BABAM2: variants seen among roughly 807,000 people sequenced by gnomAD.
BABAM2 encodes the protein BRISC and BRCA1-A complex member 2.
In BABAM2, 31 loss-of-function variants were observed where a neutral mutation model predicts 54.7. The ratio of observed to expected loss-of-function variants is 0.57; its 90% CI spans 0.43 to 0.77. The LOEUF (loss-of-function observed/expected upper bound fraction) is 0.77. Ranked by LOEUF, BABAM2 falls within the 30% of genes least tolerant of loss-of-function variation. The pLI, the probability that BABAM2 is intolerant of heterozygous loss-of-function variation, is 0.00. For synonymous variants in BABAM2, 167 were observed against 162.9 expected (o/e 1.03, Z -0.19); for missense variants, 364 against 455.8 (o/e 0.80, Z 1.83).
At chr2:28,178,173 A>G (rs1038488683) in intron 7 of BABAM2, among the ~76,000 whole-genome samples, 1 of 152,174 alleles carries the variant, frequency 6.6e-6, no homozygotes, top group African/African-American at 2.4e-5. Context: ...GGTATATTCT[A>G]CCCGACAGCT....
chr2:27,981,917 C>T (rs779492031), intron 3 of BABAM2, among the ~76,000 whole-genome samples: 5 of 152,084 alleles, frequency 3.3e-5, no homozygotes, highest in Non-Finnish European at 5.9e-5. Flanking sequence ...TGTTTAACCT[C>T]TTGAGGAACT....
At chr2:28,264,939 G>A (rs1403336965) in intron 10 of BABAM2, among the ~76,000 whole-genome samples, 1 of 152,146 alleles carries the variant, frequency 6.6e-6, no homozygotes, top group African/African-American at 2.4e-5. Context: ...AAGTTTGATT[G>A]TTTTAACAAC....
intron 11 of BABAM2, among the ~76,000 whole-genome samples, chr2:28,320,508 G>T (rs1689941709): frequency 6.6e-6 from 1 of 152,238 alleles, no homozygotes; most frequent in South Asian, 2.1e-4. Context: ...CAGGACGGGG[G>T]CCCAGGGCCT....
intron 10 of BABAM2, among the ~76,000 whole-genome samples, chr2:28,252,017 G>C (rs752010158): frequency 2.0e-4 from 30 of 152,048 alleles, no homozygotes; most frequent in Non-Finnish European, 1.0e-4. Flanking sequence ...GTGAAACCCT[G>C]TCTCTACTAA....
intron 3 of BABAM2, among the ~76,000 whole-genome samples, chr2:27,969,281 G>A (rs1671041238): frequency 6.6e-6 from 1 of 152,116 alleles, no homozygotes; most frequent in Admixed American, 6.6e-5. Flanking sequence ...CCAATCTTGG[G>A]TATGTCTTTA....
chr2:28,058,760 G>A (rs1678633367), intron 6 of BABAM2, among the ~76,000 whole-genome samples: 2 of 152,086 alleles, frequency 1.3e-5, no homozygotes, highest in Admixed American at 1.3e-4. Flanking sequence ...AAAAGCAGCT[G>A]ACAGAATAAT....
chr2:28,096,125 G>A (rs1157020600), intron 6 of BABAM2, among the ~76,000 whole-genome samples: 1 of 152,064 alleles, frequency 6.6e-6, no homozygotes, highest in East Asian at 1.9e-4. Context: ...GTCTGGCCAG[G>A]CTCCTGTTGG....
intron 4 of BABAM2, among the ~76,000 whole-genome samples, chr2:28,020,507 A>T (rs2148552893): frequency 6.6e-6 from 1 of 152,314 alleles, no homozygotes; most frequent in East Asian, 1.9e-4. Context: ...ATTTCTCCCA[A>T]TAAATTTTCC....
intron 4 of BABAM2, among the ~76,000 whole-genome samples, chr2:28,017,053 A>G (rs1227262842): frequency 1.3e-5 from 2 of 152,196 alleles, no homozygotes; most frequent in Non-Finnish European, 2.9e-5. Context: ...TCTTTCTCCC[A>G]TCCTCAAATT....
chr2:27,960,251 A>G (rs2148426854), intron 3 of BABAM2, among the ~76,000 whole-genome samples: 1 of 152,264 alleles, frequency 6.6e-6, no homozygotes. Flanking sequence ...TGATTTTCAC[A>G]AAGTTTGTGA....
chr2:28,054,067 C>T (rs974922345), intron 6 of BABAM2, among the ~76,000 whole-genome samples: 4 of 151,702 alleles, frequency 2.6e-5, no homozygotes, highest in Non-Finnish European at 2.9e-5. Context: ...AAAGATAAAC[C>T]GTTTTTTTAA....
intron 6 of BABAM2, among the ~76,000 whole-genome samples, chr2:28,115,247 T>C (rs1668511087): frequency 6.6e-6 from 1 of 151,150 alleles, no homozygotes; most frequent in African/African-American, 2.4e-5. Context: ...TACTATCATA[T>C]TTGGGTGAAC....
At chr2:28,164,905 A>C (rs1206833051) in intron 7 of BABAM2, among the ~76,000 whole-genome samples, 1 of 152,198 alleles carries the variant, frequency 6.6e-6, no homozygotes, top group Non-Finnish European at 1.5e-5. Context: ...TTATTCAGCA[A>C]TCATTTATTA....
intron 7 of BABAM2, among the ~76,000 whole-genome samples, chr2:28,204,922 C>T (rs1263990213): frequency 6.6e-6 from 1 of 151,612 alleles, no homozygotes; most frequent in African/African-American, 2.4e-5. Context: ...CAGTGATATA[C>T]GAGCAGAGTT....
chr2:28,235,195 G>A (rs1433222517), intron 7 of BABAM2, among the ~76,000 whole-genome samples: 1 of 152,120 alleles, frequency 6.6e-6, no homozygotes, highest in African/African-American at 2.4e-5. Context: ...TTTATTTTGA[G>A]ATGGAGTCTC....
intron 6 of BABAM2, among the ~76,000 whole-genome samples, chr2:28,077,224 C>T (rs1664766550): frequency 6.6e-6 from 1 of 152,128 alleles, no homozygotes; most frequent in Admixed American, 6.5e-5. Flanking sequence ...ATAAGCACAA[C>T]CTGCTATATT....
At chr2:28,062,274 CAAAA>C (rs1262627227) in intron 6 of BABAM2, among the ~76,000 whole-genome samples, 3 of 119,882 alleles carry the variant, frequency 2.5e-5, no homozygotes, top group Non-Finnish European at 3.6e-5. Flanking sequence ...AAAAAAAAAA[CAAAA>C]AACCTGGCCG....
At chr2:28,233,617 T>C (rs1433408951) in intron 7 of BABAM2, among the ~76,000 whole-genome samples, 1 of 152,198 alleles carries the variant, frequency 6.6e-6, no homozygotes, top group African/African-American at 2.4e-5. Context: ...GATGTAGATT[T>C]TGGACGCTTA....
chr2:28,228,661 A>C (rs1311450958), intron 7 of BABAM2, among the ~76,000 whole-genome samples: 1 of 152,216 alleles, frequency 6.6e-6, no homozygotes, highest in African/African-American at 2.4e-5. Flanking sequence ...AACAAGAGAA[A>C]AAAAAAACTT....
Sources: gnomAD v4.1 joint callset for allele counts (sites outside exome capture counted in the v4.1 genomes callset) on GRCh38, gnomAD v4.1.1 for gene constraint, MANE v1.5 for transcripts, NCBI Gene and HGNC (gene_info 2026-07-23, HGNC 2026-07-21) for gene names.